GRID1: variants seen among roughly 807,000 people sequenced by gnomAD.
GRID1 encodes glutamate receptor ionotropic, delta-1.
GRID1 carries 28 observed loss-of-function variants against 98.0 expected under a neutral mutation model. The ratio of observed to expected loss-of-function variants is 0.29; its 90% CI spans 0.21 to 0.39. The LOEUF (loss-of-function observed/expected upper bound fraction) is 0.39. GRID1 is among the 10% of genes least tolerant of loss of function. GRID1 has a pLI of 1.00. For synonymous variants in GRID1, 553 were observed against 538.5 expected (o/e 1.03, Z -0.37); for missense variants, 1,111 against 1,340.5 (o/e 0.83, Z 2.67).
At chr10:85,615,234 T>G (rs1842774555) in intron 14 of GRID1, among the ~76,000 whole-genome samples, 1 of 152,202 alleles carries the variant, frequency 6.6e-6, no homozygotes, top group African/African-American at 2.4e-5. Flanking sequence ...CATGGCCTCC[T>G]GATGGCTGGG....
chr10:86,231,051 A>G (rs951511835), intron 2 of GRID1, among the ~76,000 whole-genome samples: 5 of 152,066 alleles, frequency 3.3e-5, no homozygotes, highest in Non-Finnish European at 7.4e-5. Flanking sequence ...TCTAAGCACA[A>G]CTCTGGCTCC....
chr10:85,846,524 G>A (rs1489820325), intron 8 of GRID1, among the ~76,000 whole-genome samples: 3 of 151,988 alleles, frequency 2.0e-5, no homozygotes, highest in African/African-American at 4.8e-5. Flanking sequence ...ACTGTGTCTC[G>A]AAAAGTAATA....
intron 5 of GRID1, among the ~76,000 whole-genome samples, chr10:85,889,195 T>C (rs1841159672): frequency 2.6e-5 from 4 of 152,194 alleles, no homozygotes; most frequent in Admixed American, 2.6e-4. Context: ...TGGGAAGTTA[T>C]CCAGGTAACG....
chr10:85,647,117 G>GC, intron 13 of GRID1, 85 bp downstream of exon 13: 2 of 1,019,414 alleles, frequency 2.0e-6, no homozygotes, highest in Non-Finnish European at 3.0e-6. Context: ...AGAGGCAGAT[G>GC]CCCCTGGAGG....
At chr10:86,048,113 TCCAGATG>T (rs1325452082) in intron 4 of GRID1, among the ~76,000 whole-genome samples, 1 of 152,134 alleles carries the variant, frequency 6.6e-6, no homozygotes, top group Non-Finnish European at 1.5e-5. Context: ...GGAAGCAAAT[TCCAGATG>T]CCCAGTGAAG....
intron 2 of GRID1, among the ~76,000 whole-genome samples, chr10:86,360,194 GA>G (rs1239530607): frequency 2.0e-5 from 3 of 152,152 alleles, no homozygotes; most frequent in Admixed American, 6.5e-5. Flanking sequence ...TGAATATTGA[GA>G]AATGTATGCA....
intron 4 of GRID1, among the ~76,000 whole-genome samples, chr10:86,026,401 T>C (rs182925336): frequency 6.6e-6 from 1 of 152,322 alleles, no homozygotes; most frequent in African/African-American, 2.4e-5. Context: ...TTTCTGAACA[T>C]ATAAATGATT....
chr10:86,227,340 G>A (rs909465912), intron 2 of GRID1, among the ~76,000 whole-genome samples: 5 of 152,168 alleles, frequency 3.3e-5, no homozygotes, highest in South Asian at 2.1e-4. Context: ...AGGGGTGGTG[G>A]AGAGCTCATA....
chr10:86,158,393 A>T lies in GRID1; in HGVS notation c.521-19369T>A, dbSNP rs1246859992. Among the ~76,000 whole-genome samples, 3 of 152,224 alleles carry T rather than the reference A, an allele frequency of 2.0e-5. No individual in the cohort carries two copies. The East Asian group carries it at 5.8e-4, about 29-fold the overall frequency. On this transcript the variant is annotated intron_variant, in intron 3 of 15. Transcript: ENST00000327946. ...TGCCCAGTGAATTGCAGCTACGATG[A>T]CCATCATCAGAAATTACTCACTCAC...
chr10:85,688,799 A>G (rs1841298946), intron 12 of GRID1, among the ~76,000 whole-genome samples: 1 of 152,134 alleles, frequency 6.6e-6, no homozygotes, highest in African/African-American at 2.4e-5. Context: ...GAGCCTATGT[A>G]TCTGGCCTGG....
intron 5 of GRID1, among the ~76,000 whole-genome samples, chr10:85,893,135 G>A (rs1025285417): frequency 3.3e-5 from 5 of 152,102 alleles, no homozygotes; most frequent in South Asian, 2.1e-4. Context: ...AAGACAAAAC[G>A]TGATTATCTC....
intron 4 of GRID1, among the ~76,000 whole-genome samples, chr10:85,957,535 G>A (rs1842210876): frequency 6.6e-6 from 1 of 152,288 alleles, no homozygotes; most frequent in South Asian, 2.1e-4. Context: ...ACACATAAGG[G>A]CAAGATGGAA....
At chr10:86,336,246 T>C (rs950465504) in intron 2 of GRID1, among the ~76,000 whole-genome samples, 5 of 152,154 alleles carry the variant, frequency 3.3e-5, no homozygotes, top group African/African-American at 9.7e-5. Flanking sequence ...CAATAACACA[T>C]AGAAACACTA....
intron 12 of GRID1, among the ~76,000 whole-genome samples, chr10:85,681,017 C>A (rs1841202796): frequency 6.6e-6 from 1 of 152,160 alleles, no homozygotes; most frequent in Non-Finnish European, 1.5e-5. Flanking sequence ...GAGAAATTAC[C>A]TTATGGGTAC....
chr10:86,363,969 G>A lies in GRID1; in HGVS notation c.207C>T (p.Ala69=). The part of the protein sequence containing the change: ...KITYSIKVIE[A]NNPFQAVQEA... ...CCTGCACAGCCTGGAATGGGTTGTT[G>A]GCCTCGATGACCTTGATGGAGTAGG... The change falls in exon 2 of 16, where the codon GCC becomes GCT. Residue 69 remains alanine (A), a synonymous_variant. Coordinates refer to ENST00000327946, the MANE Select transcript of GRID1 (RefSeq NM_017551.3). The A allele has an allele frequency of 3.7e-6, 6 of 1,614,074 alleles. No individual in the cohort carries two copies. Among genetic ancestry groups the A allele is most frequent in the Non-Finnish European group, 5.1e-6 (6 of 1,179,940 alleles).
At chr10:85,828,602 CAA>C (rs1410545751) in intron 8 of GRID1, among the ~76,000 whole-genome samples, 1 of 151,516 alleles carries the variant, frequency 6.6e-6, no homozygotes, top group African/African-American at 2.4e-5. Context: ...TCAGAAATGA[CAA>C]AGAGAACATT....
intron 4 of GRID1, among the ~76,000 whole-genome samples, chr10:86,021,402 C>G (rs1298779413): frequency 1.3e-5 from 2 of 152,130 alleles, no homozygotes; most frequent in East Asian, 3.9e-4. Context: ...GAACAGATTT[C>G]TTTCCCCCAG....
chr10:86,253,907 G>A (rs1008592816), intron 2 of GRID1, among the ~76,000 whole-genome samples: 1 of 152,090 alleles, frequency 6.6e-6, no homozygotes, highest in African/African-American at 2.4e-5. Flanking sequence ...CCTCAGGTAT[G>A]TGACTGCCAG....
At chr10:85,670,429 G>A (rs1841071898) in intron 12 of GRID1, among the ~76,000 whole-genome samples, 1 of 152,166 alleles carries the variant, frequency 6.6e-6, no homozygotes, top group South Asian at 2.1e-4. Flanking sequence ...TGAATAATTA[G>A]CTGAAGGAAC....
Sources: allele counts gnomAD v4.1 joint callset (sites outside exome capture counted in the v4.1 genomes callset), GRCh38; gene constraint gnomAD v4.1.1; transcripts MANE v1.5; gene names NCBI Gene and HGNC (gene_info 2026-07-23, HGNC 2026-07-21).